The following TANGO6 variants were observed in gnomAD, a reference collection of about 807,000 sequenced individuals.
TANGO6 encodes transport and Golgi organization protein 6 homolog.
TANGO6 carries 90 observed loss-of-function variants against 114.2 expected under a neutral mutation model. The ratio of observed to expected loss-of-function variants is 0.79; its 90% CI spans 0.66 to 0.94. The LOEUF is 0.94. Ranked by LOEUF, TANGO6 falls within the 40% of genes least tolerant of loss-of-function variation. TANGO6 has a pLI of 0.00. For synonymous variants in TANGO6, 477 were observed against 509.8 expected, an observed-to-expected ratio of 0.94 and a Z score of 0.87; for missense variants, 1,274 against 1,315.3, an observed-to-expected ratio of 0.97 and a Z score of 0.49.
intron 17 of TANGO6, among the ~76,000 whole-genome samples, chr16:69,064,120 G>A (rs1274019258): frequency 3.9e-5 from 6 of 152,234 alleles, no homozygotes; most frequent in African/African-American, 1.2e-4. Context: ...ACAGGCATAA[G>A]CCACCACGCC....
At chr16:68,916,982 A>C (rs191200377) in intron 11 of TANGO6, among the ~76,000 whole-genome samples, 1 of 152,248 alleles carries the variant, frequency 6.6e-6, no homozygotes, top group East Asian at 1.9e-4. Context: ...ATTTGGACAA[A>C]TTTGCAATGC....
At position 68,970,867 on chromosome 16, in the gene TANGO6, G is replaced by A. The variant is rs77410709; in HGVS notation, c.2702-3161G>A. ...AGTTGAGAACTTCTGATTTTAGAAA[G>A]TAGCTATGGGCCGGGCGCAGTGGCT... is the stretch of plus-strand genomic sequence containing the variant. On this transcript the variant is annotated intron_variant, in intron 14 of 17. Transcript: ENST00000261778. Among the ~76,000 whole-genome samples the A allele has an allele frequency of 9.7e-4, 148 of 151,954 alleles. 4 individuals are homozygous for A. In the East Asian group the frequency reaches 0.026, roughly 27 times the overall value.
chr16:68,969,635 T>C (rs1963683130), intron 14 of TANGO6, among the ~76,000 whole-genome samples: 1 of 151,652 alleles, frequency 6.6e-6, no homozygotes, highest in Non-Finnish European at 1.5e-5. Flanking sequence ...TTATGGAAGA[T>C]TGGGAGAACT....
At position 68,919,181 on chromosome 16, in the gene TANGO6, A is replaced by G. The variant is rs766488319; in HGVS notation, c.2089A>G (p.Met697Val). ...TVESQTLSMSMGLVAVMLGGA... is the reference protein window; with the variant it reads ...TVESQTLSMSVGLVAVMLGGA... The stretch of plus-strand genomic sequence containing the variant: ...GGAATCACAGACGCTGAGCATGTCC[A>G]TGGGGCTGGTGGCTGTCATGCTAGG... The change falls in exon 12 of 18, where the codon ATG becomes GTG. Residue 697 changes from methionine to valine, a missense_variant. Met to Val is a conservative substitution (Grantham distance 21, BLOSUM62 1). Coordinates refer to ENST00000261778, the MANE Select transcript of TANGO6 (RefSeq NM_024562.2). 2 of 1,612,710 alleles carry G rather than the reference A, an allele frequency of 1.2e-6. No homozygotes were observed. Among genetic ancestry groups the G allele is most frequent in the South Asian group, 1.1e-5 (1 of 90,598 alleles).
chr16:69,046,710 T>C (rs915662135), intron 17 of TANGO6, among the ~76,000 whole-genome samples: 1 of 151,422 alleles, frequency 6.6e-6, no homozygotes, highest in Admixed American at 6.6e-5. Flanking sequence ...AGAAAAGAAA[T>C]AGAAATGATT....
chr16:69,036,894 T>G (rs1959697589), intron 16 of TANGO6, among the ~76,000 whole-genome samples: 1 of 149,752 alleles, frequency 6.7e-6, no homozygotes. Flanking sequence ...GCCTGGGAGG[T>G]GAAGGCTGCA....
At chr16:68,971,971 C>T (rs958370678) in intron 14 of TANGO6, among the ~76,000 whole-genome samples, 5 of 152,060 alleles carry the variant, frequency 3.3e-5, no homozygotes, top group Non-Finnish European at 5.9e-5. Flanking sequence ...TATTCCATAA[C>T]TCCGTGTTGA....
intron 17 of TANGO6, among the ~76,000 whole-genome samples, chr16:69,064,423 G>C (rs1418509812): frequency 6.6e-6 from 1 of 152,150 alleles, no homozygotes; most frequent in Non-Finnish European, 1.5e-5. Flanking sequence ...AGGTGATTCA[G>C]AGTGCCCTAA....
chr16:69,071,733 A>G lies in TANGO6; in HGVS notation c.3109-11752A>G, dbSNP rs550872113. Reference sequence around the variant, plus strand: ...TTTAGGAAGTAAAGAGAAGAAAGATATTTGCCATTTATTTCTTCTTTTGAT... The same window carrying G: ...TTTAGGAAGTAAAGAGAAGAAAGATGTTTGCCATTTATTTCTTCTTTTGAT... On this transcript the variant is annotated intron_variant, in intron 17 of 17. Coordinates refer to ENST00000261778, the MANE Select transcript of TANGO6 (RefSeq NM_024562.2). 3.0e-4 allele frequency among the ~76,000 whole-genome samples: 45 copies of G among 152,316 alleles called. No individual in the cohort carries two copies. The South Asian group carries it at 8.9e-3, about 30-fold the overall frequency.
At chr16:69,079,570 G>T (rs1960436426) in intron 17 of TANGO6, among the ~76,000 whole-genome samples, 1 of 146,928 alleles carries the variant, frequency 6.8e-6, no homozygotes, top group Non-Finnish European at 1.5e-5. Context: ...GACAGATAAT[G>T]GACTTAAAAA....
intron 14 of TANGO6, among the ~76,000 whole-genome samples, chr16:68,943,657 A>G (rs1350523947): frequency 1.3e-5 from 2 of 151,316 alleles, no homozygotes; most frequent in Non-Finnish European, 2.9e-5. Context: ...GAGCCACCGC[A>G]CCCGGCCAAG....
intron 15 of TANGO6, among the ~76,000 whole-genome samples, chr16:68,988,565 A>G (rs74860658): frequency 0.02 from 2,995 of 148,448 alleles, 30 homozygotes; most frequent in South Asian, 0.04. Context: ...TTGTTTACCC[A>G]TTTTCTCCCA....
At chr16:68,845,449 T>C (rs1057452168) in intron 1 of TANGO6, among the ~76,000 whole-genome samples, 6 of 152,240 alleles carry the variant, frequency 3.9e-5, no homozygotes, top group Admixed American at 3.3e-4. Flanking sequence ...GCATTCCTAT[T>C]TGAAGAGGAA....
chr16:68,979,466 G>T (rs989983912), intron 15 of TANGO6, among the ~76,000 whole-genome samples: 1 of 152,086 alleles, frequency 6.6e-6, no homozygotes, highest in Admixed American at 6.6e-5. Flanking sequence ...CTGACCTCAG[G>T]TGATCCACCC....
At chr16:69,073,824 G>A (rs1380696071) in intron 17 of TANGO6, among the ~76,000 whole-genome samples, 3 of 151,860 alleles carry the variant, frequency 2.0e-5, no homozygotes, top group South Asian at 2.1e-4. Flanking sequence ...GCATGGTGGC[G>A]GGCGCCTGTA....
intron 17 of TANGO6, among the ~76,000 whole-genome samples, chr16:69,041,648 G>T (rs1443079402): frequency 6.6e-6 from 1 of 152,108 alleles, no homozygotes; most frequent in Non-Finnish European, 1.5e-5. Flanking sequence ...GAGGCCATTG[G>T]ATTTCCCAGT....
intron 15 of TANGO6, among the ~76,000 whole-genome samples, chr16:69,019,935 A>G (rs1412352882): frequency 6.6e-6 from 1 of 152,210 alleles, no homozygotes; most frequent in African/African-American, 2.4e-5. Flanking sequence ...GTTTTGTTGA[A>G]TAAATGAATG....
At chr16:68,898,831 A>G (rs932076514) in intron 7 of TANGO6, among the ~76,000 whole-genome samples, 1 of 152,074 alleles carries the variant, frequency 6.6e-6, no homozygotes, top group Non-Finnish European at 1.5e-5. Flanking sequence ...CACTGTCCAT[A>G]CTATCAGGTT....
intron 9 of TANGO6, among the ~76,000 whole-genome samples, chr16:68,904,532 T>C (rs973080915): frequency 1.3e-5 from 2 of 152,204 alleles, no homozygotes; most frequent in Admixed American, 1.3e-4. Context: ...CATTGAGACA[T>C]ACTGCCTGAT....
Sources: gnomAD v4.1 joint callset for allele counts (sites outside exome capture counted in the v4.1 genomes callset) on GRCh38, gnomAD v4.1.1 for gene constraint, MANE v1.5 for transcripts, NCBI Gene and HGNC (gene_info 2026-07-23, HGNC 2026-07-21) for gene names.